The following MAK variants were observed in gnomAD, a reference collection of about 807,000 sequenced individuals.
MAK encodes the protein serine/threonine-protein kinase MAK.
A neutral mutation model predicts 82.6 loss-of-function variants in MAK; 65 were observed. The observed-to-expected ratio is 0.79, with a 90% CI of 0.64 to 0.97. MAK has a LOEUF of 0.97. Among genes scored for constraint, MAK ranks in the 50% least tolerant of loss-of-function variants. The pLI, the probability that MAK is intolerant of heterozygous loss-of-function variation, is 0.00. For synonymous variants in MAK, 250 were observed against 274.2 expected (o/e 0.91, Z 0.87); for missense variants, 703 against 780.2 (o/e 0.90, Z 1.18).
At chr6:10,828,757 C>T (rs1268838676) in intron 2 of MAK, among the ~76,000 whole-genome samples, 1 of 151,980 alleles carries the variant, frequency 6.6e-6, no homozygotes, top group South Asian at 2.1e-4. Flanking sequence ...TTTGTACCAC[C>T]GTACCTCAGC....
intron 5 of MAK, among the ~76,000 whole-genome samples, chr6:10,811,628 TAGC>T (rs1177658530): frequency 2.6e-5 from 4 of 152,364 alleles, no homozygotes; most frequent in African/African-American, 7.2e-5. Context: ...ATAATTAAAA[TAGC>T]AGATGTCCCT....
chr6:10,780,983 C>G (rs1441379986), intron 11 of MAK, among the ~76,000 whole-genome samples: 2 of 152,116 alleles, frequency 1.3e-5, no homozygotes, highest in African/African-American at 4.8e-5. Context: ...TGCCCCAACC[C>G]TGGTCTTGAT....
At chr6:10,820,363 A>C (rs1479477523) in intron 2 of MAK, among the ~76,000 whole-genome samples, 1 of 152,148 alleles carries the variant, frequency 6.6e-6, no homozygotes, top group Non-Finnish European at 1.5e-5. Flanking sequence ...ATGAGTAAAA[A>C]TTGGCAGCAC....
chr6:10,830,229 G>C (rs1055595089), intron 2 of MAK, among the ~76,000 whole-genome samples: 7 of 148,696 alleles, frequency 4.7e-5, no homozygotes, highest in Non-Finnish European at 1.0e-4. Context: ...GCGGTGGCGC[G>C]ATCTCAGCTC....
chr6:10,779,127 CAAAAAAA>C (rs918122203), intron 11 of MAK, among the ~76,000 whole-genome samples: 7 of 20,004 alleles, frequency 3.5e-4, no homozygotes, highest in African/African-American at 4.7e-4. Context: ...CACTTCGTCT[CAAAAAAA>C]AAAAAAAAAA....
chr6:10,799,173 A>G (rs1775818631), intron 8 of MAK, among the ~76,000 whole-genome samples: 2 of 152,168 alleles, frequency 1.3e-5, no homozygotes, highest in Admixed American at 6.5e-5. Flanking sequence ...ACAGTTTTCT[A>G]TTGGAATTGA....
In MAK at chr6:10,830,587, C is replaced by T; in HGVS notation, c.62G>A (p.Gly21Asp). Residue 21 changes from glycine (G) to aspartate (D), a missense_variant, in exon 2 of 15, where the codon GGC becomes GAC. By Grantham distance (94) the Gly-to-Asp change is moderately conservative. Transcript: ENST00000354489. Reference protein sequence around the residue: ...GDGTYGSVLMGKSNESGELVA... With the variant: ...GDGTYGSVLMDKSNESGELVA... ...CAGCTCCCCGGATTCATTACTCTTG[C>T]CCATAAGCACACTCCCATACGTGCC... is the stretch of plus-strand genomic sequence containing the variant. 2 of 1,614,116 alleles carry T rather than the reference C, an allele frequency of 1.2e-6. No individual in the cohort carries two copies. The highest frequency in any genetic ancestry group is 1.7e-6 in the Non-Finnish European group (2 of 1,179,986).
chr6:10,796,881 C>T (rs1775613641), intron 8 of MAK, among the ~76,000 whole-genome samples: 3 of 150,890 alleles, frequency 2.0e-5, no homozygotes, highest in Admixed American at 2.0e-4. Flanking sequence ...AGCAAAACAG[C>T]TGTTCTATTT....
In MAK at chr6:10,793,993, A is replaced by C. The variant is rs2127544990; in HGVS notation, c.1143+2005T>G. Among the ~76,000 whole-genome samples, 1 of 152,344 alleles carries C rather than the reference A, an allele frequency of 6.6e-6. No individual in the cohort carries two copies. The highest frequency in any genetic ancestry group is 2.4e-5 in the African/African-American group (1 of 41,576). ...AGAGGGGACTTAAAGACACATTCAT[A>C]ATAGGAACTGAGAGTTATCAGTCAT... On this transcript the variant is annotated intron_variant, in intron 9 of 14. Transcript: ENST00000354489. This position sits in a 1 kb window ranked among gnomAD's most constrained non-coding sequence, Gnocchi z 4.6.
chr6:10,838,248 A>C (rs1490542722), intron 1 of MAK: 1 of 152,182 alleles, frequency 6.6e-6, no homozygotes, highest in Non-Finnish European at 1.5e-5. Flanking sequence ...AGTGGTCAAG[A>C]GGTCTGGGAG....
Position 10,837,540 on chromosome 6 carries a change from CTT to C in MAK, c.-230+961_-230+962del, listed in dbSNP as rs3831299. ...GCCCGATCGAAAAGCTGGAAAGTCA[CTT>C]TTGTTTTCACCATTATTTCACTTAA... On this transcript the variant is annotated intron_variant, in intron 1 of 14. Transcript: ENST00000354489. Among the ~76,000 whole-genome samples, 77 of 152,314 alleles carry C rather than the reference CTT, an allele frequency of 5.1e-4. 1 individual carries two copies. The East Asian group carries it at 0.015, about 29-fold the overall frequency.
chr6:10,773,279 C>T (rs1773181193), intron 12 of MAK, among the ~76,000 whole-genome samples, 171 bp from the exon 13 acceptor site: 1 of 152,148 alleles, frequency 6.6e-6, no homozygotes, highest in Admixed American at 6.5e-5. Context: ...TGTATATTCC[C>T]TTGAGACTCA....
At chr6:10,834,470 C>T (rs1427234847) in intron 1 of MAK, among the ~76,000 whole-genome samples, 1 of 152,158 alleles carries the variant, frequency 6.6e-6, no homozygotes, top group Non-Finnish European at 1.5e-5. Flanking sequence ...CCAGCTCTTA[C>T]TATCCCTAAT....
At chr6:10,781,717 C>A (rs1773984586) in intron 11 of MAK, among the ~76,000 whole-genome samples, 1 of 152,264 alleles carries the variant, frequency 6.6e-6, no homozygotes, top group East Asian at 1.9e-4. Flanking sequence ...AGCCACTGCA[C>A]CTGGCCTCAT....
chr6:10,779,397 C>CTAA, intron 11 of MAK: 1 of 985,242 alleles, frequency 1.0e-6, no homozygotes, highest in Non-Finnish European at 1.2e-6. Flanking sequence ...AGTACACAGC[C>CTAA]GGTTAGTAGT....
intron 5 of MAK, 79 bp from the exon 6 acceptor site, chr6:10,809,021 A>G (rs1263655655): frequency 2.4e-6 from 3 of 1,227,442 alleles, no homozygotes; most frequent in African/African-American, 3.0e-5. Context: ...TAAACAAAAT[A>G]TAAATGAACC....
intron 4 of MAK, among the ~76,000 whole-genome samples, chr6:10,814,438 G>A (rs563310198): frequency 9.1e-4 from 138 of 152,080 alleles, no homozygotes; most frequent in African/African-American, 3.2e-3. Flanking sequence ...GGAGGCCAAG[G>A]TGGGAGGATC....
chr6:10,825,971 C>T lies in MAK; in HGVS notation c.101+4577G>A, dbSNP rs561909998. 8.5e-5 allele frequency among the ~76,000 whole-genome samples: 13 copies of T among 152,318 alleles called. No homozygotes were observed. In the South Asian group the frequency reaches 2.7e-3, roughly 32 times the overall value. ...GACCTCTTCAATCGTCTCCACTCTT[C>T]TGCTAATCAGCCAGTTCCAAAAATT... On this transcript the variant is annotated intron_variant, in intron 2 of 14. Coordinates refer to ENST00000354489, the MANE Select transcript of MAK (RefSeq NM_001242957.3).
intron 11 of MAK, among the ~76,000 whole-genome samples, chr6:10,781,232 T>C (rs570174577): frequency 1.3e-5 from 2 of 152,278 alleles, no homozygotes; most frequent in South Asian, 2.1e-4. Context: ...TGGGCAGATT[T>C]CTCATTCTGT....
Sources: gnomAD v4.1 joint callset for allele counts (sites outside exome capture counted in the v4.1 genomes callset) on GRCh38, gnomAD v4.1.1 for gene constraint, Gnocchi (gnomAD v3.1) non-coding constraint, MANE v1.5 for transcripts, NCBI Gene and HGNC (gene_info 2026-07-23, HGNC 2026-07-21) for gene names.